Variants in SATB2 observed in about 807,000 individuals in gnomAD.
The protein encoded by SATB2 is SATB homeobox 2.
Under a neutral mutation model 73.4 loss-of-function variants are expected in SATB2, and 1 was observed. The observed-to-expected ratio is 0.01, with a 90% CI of 0.00 to 0.06. SATB2 has a LOEUF of 0.06. SATB2 is among the 10% of genes least tolerant of loss of function. SATB2 has a pLI of 1.00. For missense variants in SATB2, 459 were observed against 945.8 expected (o/e 0.49, Z 6.75); for synonymous variants, 397 against 367.0 (o/e 1.08, Z -0.93).
chr2:199,341,483 A>T (rs1688504847), intron 7 of SATB2, among the ~76,000 whole-genome samples: 1 of 152,120 alleles, frequency 6.6e-6, no homozygotes, highest in African/African-American at 2.4e-5. Context: ...GGTAAATCTC[A>T]TAAGGCCTTA....
rs1467041623 is a variant in SATB2 at position 199,464,630 on chromosome 2, C to T, written c.-141+206G>A. The stretch of plus-strand genomic sequence containing the variant: ...AGCGCTCCGGCCGGGTCGCAGGGGC[C>T]GGTGCCCAGCGGGCCGGGGTCTGGC... On this transcript the variant is annotated intron_variant, in intron 1 of 11. Transcript: ENST00000260926. The surrounding 1 kb of genome is among the most constrained non-coding windows in gnomAD (Gnocchi z 6.6). Among the ~76,000 whole-genome samples the T allele has an allele frequency of 6.6e-6, 1 of 152,288 alleles. No individual in the cohort carries two copies. The highest frequency in any genetic ancestry group is 1.9e-4 in the East Asian group (1 of 5,164).
chr2:199,273,638 G>A (rs888899402), intron 10 of SATB2, among the ~76,000 whole-genome samples: 3 of 151,880 alleles, frequency 2.0e-5, no homozygotes, highest in African/African-American at 4.8e-5. Flanking sequence ...GAATTTAAAC[G>A]ACCATTTTAT....
At chr2:199,444,141 T>C (rs1559058633) in intron 2 of SATB2, among the ~76,000 whole-genome samples, 1 of 151,944 alleles carries the variant, frequency 6.6e-6, no homozygotes, top group Non-Finnish European at 1.5e-5. Flanking sequence ...TTTATATAAT[T>C]TCCAAAATAA....
chr2:199,357,514 A>G (rs957446422), intron 6 of SATB2, among the ~76,000 whole-genome samples: 6 of 152,150 alleles, frequency 3.9e-5, no homozygotes, highest in Admixed American at 1.3e-4. Flanking sequence ...CTCCATCAAT[A>G]TATTTGCTTC....
At chr2:199,363,150 C>T (rs542784543) in intron 6 of SATB2, among the ~76,000 whole-genome samples, 2 of 152,282 alleles carry the variant, frequency 1.3e-5, no homozygotes, top group East Asian at 3.9e-4. Flanking sequence ...ATTCCCCACG[C>T]ACCATTTTTC....
intron 3 of SATB2, among the ~76,000 whole-genome samples, chr2:199,407,288 CAAAAAAAAAAA>C (rs34954916): frequency 1.3e-5 from 1 of 77,536 alleles, no homozygotes; most frequent in African/African-American, 4.5e-5. Flanking sequence ...TCTTGTCTCC[CAAAAAAAAAAA>C]AAAAAAAAAG....
chr2:199,356,442 T>C (rs1443613034), intron 6 of SATB2, among the ~76,000 whole-genome samples: 4 of 152,050 alleles, frequency 2.6e-5, no homozygotes, highest in African/African-American at 9.7e-5. Context: ...TACTCGAGCA[T>C]ATGAATGCCT....
At chr2:199,459,344 C>G (rs534565579), upstream of SATB2, among the ~76,000 whole-genome samples, 4 of 152,184 alleles carry the variant, frequency 2.6e-5, no homozygotes, top group South Asian at 4.1e-4. The surrounding 1 kb of genome is among the most constrained non-coding windows in gnomAD (Gnocchi z 4.2). Context: ...GCCGGCAGCC[C>G]GACTCCGGCC....
At chr2:199,362,607 A>G (rs1232220334) in intron 6 of SATB2, among the ~76,000 whole-genome samples, 1 of 152,230 alleles carries the variant, frequency 6.6e-6, no homozygotes, top group East Asian at 1.9e-4. Context: ...AGTTAAAATT[A>G]TTTACTTAAT....
intron 6 of SATB2, among the ~76,000 whole-genome samples, chr2:199,366,389 A>G (rs1337763198): frequency 6.6e-6 from 1 of 152,130 alleles, no homozygotes. Context: ...CTATTCATAG[A>G]AAAAGGCTTC....
chr2:199,345,311 T>G (rs1157734467), intron 7 of SATB2, among the ~76,000 whole-genome samples: 1 of 152,144 alleles, frequency 6.6e-6, no homozygotes, highest in Non-Finnish European at 1.5e-5. Flanking sequence ...CTAGGGTACA[T>G]GTGCACAACG....
intron 6 of SATB2, among the ~76,000 whole-genome samples, chr2:199,350,576 A>G (rs1397066362): frequency 6.6e-6 from 1 of 152,220 alleles, no homozygotes; most frequent in Non-Finnish European, 1.5e-5. Context: ...GAAATAAATT[A>G]ATACATTAAA....
At chr2:199,409,859 G>A (rs1690758530) in intron 3 of SATB2, among the ~76,000 whole-genome samples, 1 of 152,098 alleles carries the variant, frequency 6.6e-6, no homozygotes, top group African/African-American at 2.4e-5. Flanking sequence ...CTTGAAAAGA[G>A]TTTCCAGCTC....
At chr2:199,294,602 A>G (rs570847131) in intron 10 of SATB2, among the ~76,000 whole-genome samples, 1 of 152,234 alleles carries the variant, frequency 6.6e-6, no homozygotes, top group South Asian at 2.1e-4. Context: ...GTAGCCCTAA[A>G]TTACACCACA....
chr2:199,408,908 T>C (rs1484147758), intron 3 of SATB2, among the ~76,000 whole-genome samples: 2 of 152,246 alleles, frequency 1.3e-5, no homozygotes, highest in Non-Finnish European at 1.5e-5. Flanking sequence ...AGGGAAGTCA[T>C]GGAGGAGAGC....
intron 3 of SATB2, among the ~76,000 whole-genome samples, chr2:199,398,596 G>A (rs1215232632): frequency 6.6e-6 from 1 of 152,082 alleles, no homozygotes; most frequent in Non-Finnish European, 1.5e-5. Flanking sequence ...AGTGCCTCTC[G>A]ATCTCCTTAT....
chr2:199,275,687 A>C (rs1692292598), intron 10 of SATB2, among the ~76,000 whole-genome samples: 1 of 152,176 alleles, frequency 6.6e-6, no homozygotes, highest in South Asian at 2.1e-4. Context: ...ATTATCTACA[A>C]AGTGAAATAT....
At chr2:199,419,864 C>A (rs1407341161) in intron 3 of SATB2, among the ~76,000 whole-genome samples, 3 of 152,076 alleles carry the variant, frequency 2.0e-5, no homozygotes, top group Admixed American at 1.3e-4. Context: ...CTTTGAAGTT[C>A]TCTTCCTCTC....
At chr2:199,437,783 AC>A (rs1460813489) in intron 2 of SATB2, among the ~76,000 whole-genome samples, 1 of 152,206 alleles carries the variant, frequency 6.6e-6, no homozygotes, top group Non-Finnish European at 1.5e-5. Flanking sequence ...CGGTATTAAT[AC>A]CATTTTACAG....
Sources: gnomAD v4.1 joint callset for allele counts (sites outside exome capture counted in the v4.1 genomes callset) on GRCh38, gnomAD v4.1.1 for gene constraint, Gnocchi (gnomAD v3.1) non-coding constraint, MANE v1.5 for transcripts, NCBI Gene and HGNC (gene_info 2026-07-23, HGNC 2026-07-21) for gene names.